The following OR4N2 variants were observed in gnomAD, a reference collection of about 807,000 sequenced individuals.
OR4N2 encodes olfactory receptor family 4 subfamily N member 2, also known as olfactory receptor 4N2.
For synonymous variants in OR4N2, 141 were observed against 140.4 expected, an observed-to-expected ratio of 1.00 and a Z score of -0.03; for missense variants, 307 against 377.6, an observed-to-expected ratio of 0.81 and a Z score of 1.55.
At chr14:19,810,966 A>C (rs1398206174) in intron 1 of OR4N2, among the ~76,000 whole-genome samples, 1 of 152,268 alleles carries the variant, frequency 6.6e-6, no homozygotes, top group Admixed American at 6.5e-5. Context: ...CTAAATAGGA[A>C]TATATTTTAA....
intron 1 of OR4N2, among the ~76,000 whole-genome samples, chr14:19,826,659 A>G (rs1394946634): frequency 6.6e-6 from 1 of 152,280 alleles, no homozygotes; most frequent in Non-Finnish European, 1.5e-5. Flanking sequence ...AAAAGGCTGT[A>G]TCTTGGGTGT....
chr14:19,810,698 T>G (rs1222751178), intron 1 of OR4N2, among the ~76,000 whole-genome samples: 1 of 152,186 alleles, frequency 6.6e-6, no homozygotes, highest in Non-Finnish European at 1.5e-5. Flanking sequence ...AGAGTCAAAA[T>G]TAATGAAATA....
Position 19,830,159 on chromosome 14 carries a change from T to C in OR4N2, c.*1787T>C. On this transcript the variant is annotated 3_prime_UTR_variant, in exon 2 of 2. Coordinates refer to ENST00000557677, the MANE Select transcript of OR4N2 (RefSeq NM_001004723.3). ...CCTATAACATGAACTTTGTCCTCCCTATTGGGTGTAACCTTTAGCGTGTAA... is the reference window on the plus strand; with the variant it reads ...CCTATAACATGAACTTTGTCCTCCCCATTGGGTGTAACCTTTAGCGTGTAA... The C allele has an allele frequency of 6.6e-6, 1 of 152,626 alleles. No homozygotes were observed. The allele number at this position is 152,626 out of a possible 1,614,324, so 9.5% of individuals were successfully genotyped here. A position where few individuals can be genotyped will look rare whatever the true frequency, so the allele number is the denominator to read the frequency against.
At chr14:19,813,050 G>T (rs1879340749) in intron 1 of OR4N2, among the ~76,000 whole-genome samples, 1 of 152,156 alleles carries the variant, frequency 6.6e-6, no homozygotes, top group Admixed American at 6.6e-5. Flanking sequence ...TCCATTTTGA[G>T]GACTATTTTA....
intron 1 of OR4N2, among the ~76,000 whole-genome samples, chr14:19,807,656 T>A (rs530521261): frequency 0.01 from 1,517 of 151,540 alleles, 9 homozygotes; most frequent in African/African-American, 0.027. Context: ...TACCAGATTT[T>A]AAAAAAAAGA....
At chr14:19,819,999 G>C (rs557348144) in intron 1 of OR4N2, among the ~76,000 whole-genome samples, 2 of 152,388 alleles carry the variant, frequency 1.3e-5, no homozygotes, top group Admixed American at 6.5e-5. Context: ...CTGTTTTCCT[G>C]GGTGTCATCA....
At chr14:19,808,834 G>A (rs1327320637) in intron 1 of OR4N2, among the ~76,000 whole-genome samples, 3 of 123,038 alleles carry the variant, frequency 2.4e-5, no homozygotes, top group Non-Finnish European at 3.8e-5. Flanking sequence ...AAAAAAAAAA[G>A]TAAAAAAAAT....
At chr14:19,805,033 T>C (rs746655108) in intron 1 of OR4N2, among the ~76,000 whole-genome samples, 62 of 152,242 alleles carry the variant, frequency 4.1e-4, no homozygotes, top group South Asian at 8.3e-4. Context: ...TTTTCTGTTT[T>C]CTTTTTGCTT....
At chr14:19,813,101 T>C (rs536219076) in intron 1 of OR4N2, among the ~76,000 whole-genome samples, 85 of 152,326 alleles carry the variant, frequency 5.6e-4, no homozygotes, top group Non-Finnish European at 7.8e-4. Flanking sequence ...AGAGTGAACA[T>C]TAAGAGGTGA....
intron 1 of OR4N2, among the ~76,000 whole-genome samples, chr14:19,822,863 T>TG (rs938152509): frequency 1.3e-5 from 2 of 152,388 alleles, no homozygotes; most frequent in African/African-American, 4.8e-5. Flanking sequence ...CTCAGGCTTC[T>TG]GAAAGCTAAG....
chr14:19,821,257 A>T (rs1281550880), intron 1 of OR4N2, among the ~76,000 whole-genome samples: 1 of 152,190 alleles, frequency 6.6e-6, no homozygotes, highest in Admixed American at 6.5e-5. Flanking sequence ...CGTGGGCTGC[A>T]CCCACTGTCT....
At chr14:19,809,442 G>A (rs1329682859) in intron 1 of OR4N2, among the ~76,000 whole-genome samples, 9 of 152,138 alleles carry the variant, frequency 5.9e-5, no homozygotes, top group Admixed American at 5.9e-4. Context: ...ATATTCACAA[G>A]CTATGATTCC....
At chr14:19,822,455 T>C (rs1002411355) in intron 1 of OR4N2, 18 of 152,278 alleles carry the variant, frequency 1.2e-4, no homozygotes, top group African/African-American at 4.1e-4. Context: ...TCAGCAGGTA[T>C]GAAAGTTTCT....
chr14:19,804,967 G>T lies in OR4N2; in HGVS notation c.-10+1123G>T, dbSNP rs144781709. ...TGTAATACCCTTCTTTGTCTTTTTC[G>T]ATTATTATTGGTTTATAGTCTATTT... On this transcript the variant is annotated intron_variant, in intron 1 of 1. Transcript: ENST00000557677. Among the ~76,000 whole-genome samples, 13 of 152,006 alleles carry T rather than the reference G, an allele frequency of 8.6e-5. No homozygotes were observed. The East Asian group carries it at 2.3e-3, about 27-fold the overall frequency.
intron 1 of OR4N2, among the ~76,000 whole-genome samples, chr14:19,811,454 G>T (rs992090389): frequency 1.3e-5 from 2 of 152,212 alleles, no homozygotes; most frequent in African/African-American, 4.8e-5. Context: ...CACCGTGTTA[G>T]CCAGGATGGT....
intron 1 of OR4N2, among the ~76,000 whole-genome samples, chr14:19,809,092 A>T (rs543385763): frequency 1.2e-3 from 186 of 152,230 alleles, no homozygotes; most frequent in African/African-American, 4.2e-3. Context: ...CATTCAACCA[A>T]GCTAACTCTC....
At chr14:19,809,618 T>TACCCA (rs1879248313) in intron 1 of OR4N2, among the ~76,000 whole-genome samples, 1 of 152,214 alleles carries the variant, frequency 6.6e-6, no homozygotes, top group East Asian at 1.9e-4. Flanking sequence ...AAGGCTACAG[T>TACCCA]AACCAAAACA....
At chr14:19,810,533 GCACA>G (rs1226132709) in intron 1 of OR4N2, among the ~76,000 whole-genome samples, 2 of 152,192 alleles carry the variant, frequency 1.3e-5, no homozygotes, top group African/African-American at 2.4e-5. Context: ...AAAGACATAT[GCACA>G]CATATGTTCA....
chr14:19,823,888 C>A (rs1169728190), intron 1 of OR4N2, among the ~76,000 whole-genome samples: 17 of 152,194 alleles, frequency 1.1e-4, no homozygotes, highest in Admixed American at 2.6e-4. Flanking sequence ...CACATAGGAT[C>A]TCTAAACACT....
Sources: allele counts gnomAD v4.1 joint callset (sites outside exome capture counted in the v4.1 genomes callset), GRCh38; gene constraint gnomAD v4.1.1; transcripts MANE v1.5; gene names NCBI Gene and HGNC (gene_info 2026-07-23, HGNC 2026-07-21).